The following DIAPH2 variants were observed in gnomAD, a reference collection of about 807,000 sequenced individuals.
DIAPH2 encodes diaphanous related formin 2.
DIAPH2 carries 35 observed loss-of-function variants against 92.7 expected under a neutral mutation model. That is an observed-to-expected ratio of 0.38 (90% CI 0.29 to 0.50). DIAPH2 has a LOEUF of 0.50. Among genes scored for constraint, DIAPH2 ranks in the 20% least tolerant of loss-of-function variants. DIAPH2 has a pLI of 0.94. For missense variants in DIAPH2, 701 were observed against 819.5 expected, an observed-to-expected ratio of 0.86 and a Z score of 1.77; for synonymous variants, 301 against 280.4, an observed-to-expected ratio of 1.07 and a Z score of -0.73.
intron 26 of DIAPH2, among the ~76,000 whole-genome samples, chrX:97,531,580 CTAA>C (rs2071060558): frequency 8.9e-6 from 1 of 112,052 alleles, no homozygotes; most frequent in African/African-American, 3.2e-5. Context: ...TATATACATA[CTAA>C]TGTTTATCTG....
At chrX:97,178,443 C>CTTTTTTTTT (rs766983375) in intron 22 of DIAPH2, among the ~76,000 whole-genome samples, 1 of 67,289 alleles carries the variant, frequency 1.5e-5, no homozygotes, top group African/African-American at 7.1e-5. Flanking sequence ...CTATATTTCT[C>CTTTTTTTTT]TTTTTTTTTT....
At chrX:97,356,565 A>C (rs2069269470) in intron 24 of DIAPH2, among the ~76,000 whole-genome samples, 1 of 112,203 alleles carries the variant, frequency 8.9e-6, no homozygotes, top group Non-Finnish European at 1.9e-5. Flanking sequence ...GCCAGAGAGC[A>C]GACTTTACTG....
intron 22 of DIAPH2, among the ~76,000 whole-genome samples, chrX:97,209,982 A>G (rs1400911536): frequency 9.0e-6 from 1 of 111,505 alleles, no homozygotes; most frequent in East Asian, 2.8e-4. Flanking sequence ...ATTATAAAAT[A>G]AAACCTTAGC....
chrX:96,973,245 C>T (rs893071303), intron 17 of DIAPH2, among the ~76,000 whole-genome samples: 2 of 111,308 alleles, frequency 1.8e-5, no homozygotes, highest in African/African-American at 6.5e-5. Context: ...TGCCTATAAT[C>T]TCAGCACTTT....
intron 4 of DIAPH2, among the ~76,000 whole-genome samples, chrX:96,862,123 G>A (rs1230075019): frequency 9.0e-6 from 1 of 111,468 alleles, no homozygotes; most frequent in East Asian, 2.8e-4. Context: ...GAAAAATAAG[G>A]ACCACCTGAG....
intron 23 of DIAPH2, among the ~76,000 whole-genome samples, chrX:97,324,284 A>T (rs1446617140): frequency 9.0e-6 from 1 of 111,620 alleles, no homozygotes; most frequent in Non-Finnish European, 1.9e-5. Context: ...TGTAGCTAAG[A>T]ATCTGATGTA....
chrX:97,020,967 G>A (rs1261826590), intron 17 of DIAPH2, among the ~76,000 whole-genome samples: 1 of 111,782 alleles, frequency 8.9e-6, no homozygotes, highest in Non-Finnish European at 1.9e-5. Context: ...AGGTGATTTT[G>A]CAGTTGTACT....
At chrX:97,089,742 T>C (rs1454542926) in intron 19 of DIAPH2, among the ~76,000 whole-genome samples, 1 of 110,797 alleles carries the variant, frequency 9.0e-6, no homozygotes, top group East Asian at 2.8e-4. Flanking sequence ...TTATTTTTTT[T>C]TTGGAGACAG....
intron 23 of DIAPH2, among the ~76,000 whole-genome samples, chrX:97,334,676 A>G (rs1459588024): frequency 9.5e-6 from 1 of 104,898 alleles, no homozygotes; most frequent in Non-Finnish European, 2.0e-5. Context: ...GTTTAAAAAA[A>G]CAAAACAAAA....
intron 21 of DIAPH2, among the ~76,000 whole-genome samples, chrX:97,127,222 G>C (rs2067099906): frequency 8.9e-6 from 1 of 111,770 alleles, no homozygotes; most frequent in Non-Finnish European, 1.9e-5. Context: ...TAAGAATGAA[G>C]AAACTTGTTA....
chrX:97,240,605 C>CAAAAAAAAAAAAAAAAAAA (rs774748522), intron 22 of DIAPH2, among the ~76,000 whole-genome samples: 5 of 67,963 alleles, frequency 7.4e-5, no homozygotes, highest in African/African-American at 2.9e-4. Flanking sequence ...GACTGCATCT[C>CAAAAAAAAAAAAAAAAAAA]AAAAAAAAAA....
chrX:97,550,116 T>G (rs2071209450), intron 26 of DIAPH2, among the ~76,000 whole-genome samples: 1 of 112,539 alleles, frequency 8.9e-6, no homozygotes, highest in Non-Finnish European at 1.9e-5. Context: ...CCCAACACTT[T>G]GGGAGGCCAA....
rs190952644 is a variant in DIAPH2, at chrX:97,108,812, A to G, written c.2350-5914A>G. ...AGCATGATATTTACAGTGGATAATG[A>G]GAGCTGTTCTTCACTGAGCCCTGGA... On this transcript the variant is annotated intron_variant, in intron 20 of 26. Transcript: ENST00000324765. 3.4e-3 allele frequency among the ~76,000 whole-genome samples: 377 copies of G among 112,121 alleles called. 1 individual carries two copies. The highest frequency in any genetic ancestry group is 0.012 in the African/African-American group (365 of 30,870).
At chrX:96,954,680 C>G (rs2065798769) in intron 15 of DIAPH2, among the ~76,000 whole-genome samples, 1 of 112,353 alleles carries the variant, frequency 8.9e-6, no homozygotes, top group Admixed American at 9.4e-5. Flanking sequence ...CTGCAGCTAA[C>G]AGTTTCCTCA....
At chrX:97,477,099 G>C (rs1467685773) in intron 26 of DIAPH2, among the ~76,000 whole-genome samples, 1 of 106,296 alleles carries the variant, frequency 9.4e-6, no homozygotes, top group Non-Finnish European at 1.9e-5. Flanking sequence ...GGAGGCCATG[G>C]TGGGCGGATC....
At chrX:97,168,809 A>G (rs965407776) in intron 22 of DIAPH2, among the ~76,000 whole-genome samples, 2 of 112,151 alleles carry the variant, frequency 1.8e-5, no homozygotes, top group Non-Finnish European at 3.8e-5. Context: ...TGTTTTATGC[A>G]TGGCCGCTTC....
At chrX:97,216,507 T>C (rs1262412099) in intron 22 of DIAPH2, among the ~76,000 whole-genome samples, 1 of 108,649 alleles carries the variant, frequency 9.2e-6, no homozygotes, top group Non-Finnish European at 1.9e-5. Flanking sequence ...GGTCTCCCTA[T>C]GTTGCCCAGG....
At chrX:97,369,448 G>A (rs2069421390) in intron 24 of DIAPH2, among the ~76,000 whole-genome samples, 1 of 48,592 alleles carries the variant, frequency 2.1e-5, no homozygotes, top group South Asian at 9.6e-4. Context: ...GCCCTTACCA[G>A]CAATATTACC....
intron 24 of DIAPH2, among the ~76,000 whole-genome samples, chrX:97,370,183 G>C (rs1289541523): frequency 1.8e-5 from 2 of 111,644 alleles, no homozygotes; most frequent in Non-Finnish European, 3.8e-5. Flanking sequence ...ATATTAATCA[G>C]CCTACTTTTT....
Sources: allele counts gnomAD v4.1 joint callset (sites outside exome capture counted in the v4.1 genomes callset), GRCh38; gene constraint gnomAD v4.1.1; transcripts MANE v1.5; gene names NCBI Gene and HGNC (gene_info 2026-07-23, HGNC 2026-07-21).